The following PSMD6 variants were observed in gnomAD, a reference collection of about 807,000 sequenced individuals.
The protein encoded by PSMD6 is 26S proteasome non-ATPase regulatory subunit 6.
A neutral mutation model predicts 44.9 loss-of-function variants in PSMD6; 7 were observed. The ratio of observed to expected loss-of-function variants is 0.16; its 90% CI spans 0.09 to 0.29. The LOEUF is 0.29. Among genes scored for constraint, PSMD6 ranks in the 10% least tolerant of loss-of-function variants. The probability of loss-of-function intolerance (pLI) is 1.00; values close to 1 mark genes in which losing one functional copy is unlikely to be tolerated. For missense variants in PSMD6, 420 were observed against 482.6 expected (o/e 0.87, Z 1.21); for synonymous variants, 184 against 172.7 (o/e 1.07, Z -0.51).
chr3:64,018,966 G>C lies in PSMD6; in HGVS notation c.569C>G (p.Ala190Gly), dbSNP rs755428920. 17 of 1,612,430 alleles carry C rather than the reference G, an allele frequency of 1.1e-5. No individual in the cohort carries two copies. In the South Asian group the frequency reaches 1.9e-4, roughly 18 times the overall value. Residue 190 changes from alanine to glycine, a missense_variant, in exon 4 of 8, where the codon GCT (alanine) becomes GGT (glycine). By Grantham distance (60) the Ala-to-Gly change is moderately conservative. This residue lies in a region of PSMD6 where 216 missense variants were observed against 227.0 expected (regional missense o/e 0.95). Transcript: ENST00000295901. ...AGCTGCCTGTTTGAAATCACGAATA[G>C]CCACACAATAAAGACCCTGATACAC... ...LKVYQGLYCV[A>G]IRDFKQAAEL...
chr3:64,012,584 C>G (rs1388466729), intron 6 of PSMD6: 1 of 152,196 alleles, frequency 6.6e-6, no homozygotes, highest in Non-Finnish European at 1.5e-5. Context: ...CTACAAGGCC[C>G]TACACAAATC....
intron 2 of PSMD6, 73 bp downstream of exon 2, chr3:64,022,245 G>T: frequency 6.7e-7 from 1 of 1,503,106 alleles, no homozygotes; most frequent in South Asian, 1.2e-5. Flanking sequence ...TTTTTAATGA[G>T]AAACGATTAC....
At position 64,019,336 on chromosome 3, in the gene PSMD6, C is replaced by A; in HGVS notation, c.457G>T (p.Asp153Tyr). The A allele has an allele frequency of 6.3e-7, 1 of 1,593,924 alleles. No individual in the cohort carries two copies. The highest frequency in any genetic ancestry group is 8.6e-7 in the Non-Finnish European group (1 of 1,161,628). The change falls in exon 3 of 8, where the codon GAT becomes TAT. Residue 153 changes from aspartate to tyrosine, a missense_variant. By Grantham distance (160) the Asp-to-Tyr change is radical. Coordinates refer to ENST00000295901, the MANE Select transcript of PSMD6 (RefSeq NM_014814.3). ...YLLRIGLFYM[D>Y]NDLITRNTEK... The stretch of plus-strand genomic sequence containing the variant: ...GTGTTTCGTGTGATGAGATCATTAT[C>A]CATATAAAATAAGCCAATCCTAAGG...
intron 1 of PSMD6, chr3:64,022,897 A>C: frequency 6.7e-7 from 1 of 1,488,070 alleles, no homozygotes; most frequent in East Asian, 2.5e-5. Flanking sequence ...AACCGAACCC[A>C]AATTTCCCTT....
In PSMD6 at chr3:64,011,346, A is replaced by T. The variant is rs369887140; in HGVS notation, c.996-391T>A. On this transcript the variant is annotated intron_variant, in intron 6 of 7. Transcript: ENST00000295901. Reference sequence around the variant, plus strand: ...ACATGTCAACAGCAATAGTATTAACATGTCAACAGCAATAGTATTTACTAA... The same window carrying T: ...ACATGTCAACAGCAATAGTATTAACTTGTCAACAGCAATAGTATTTACTAA... 19 of 152,458 alleles carry T rather than the reference A, an allele frequency of 1.2e-4. No individual in the cohort carries two copies. In the East Asian group the frequency reaches 3.5e-3, roughly 28 times the overall value. The allele number at this position is 152,458 out of a possible 1,614,324, so 9.4% of individuals were successfully genotyped here.
In PSMD6 at chr3:64,013,520, C is replaced by A; in HGVS notation, c.914G>T (p.Ser305Ile). 1 of 1,613,650 alleles carries A rather than the reference C, an allele frequency of 6.2e-7. No individual in the cohort carries two copies. The highest frequency in any genetic ancestry group is 8.5e-7 in the Non-Finnish European group (1 of 1,179,744). ...YVREMRIHAY[S>I]QLLESYRSLT... ...TGACCTATATGATTCCAGCAGCTGA[C>A]TGTATGCATGAATTCTCATTTCTCT... Residue 305 changes from serine to isoleucine, a missense_variant, in exon 6 of 8, where the codon AGT becomes ATT. Transcript: ENST00000295901.
chr3:64,013,272 G>T (rs2075990899), intron 6 of PSMD6, 167 bp downstream of exon 6: 2 of 581,278 alleles, frequency 3.4e-6, no homozygotes, highest in African/African-American at 1.9e-5. Flanking sequence ...CATGAGGAAG[G>T]CAGAGGCAAC....
intron 6 of PSMD6, chr3:64,012,209 A>T (rs932334966): frequency 2.6e-5 from 4 of 152,174 alleles, no homozygotes; most frequent in Non-Finnish European, 5.9e-5. Flanking sequence ...TTCGAAATTT[A>T]AAAAATACTA....
chr3:64,018,345 C>T (rs976909897), intron 5 of PSMD6: 9 of 315,058 alleles, frequency 2.9e-5, no homozygotes, highest in African/African-American at 8.7e-5. Flanking sequence ...CATAGCTCTC[C>T]GTCACATCCT....
intron 2 of PSMD6, among the ~76,000 whole-genome samples, chr3:64,021,979 C>T (rs1039984711): frequency 6.6e-6 from 1 of 152,192 alleles, no homozygotes; most frequent in Non-Finnish European, 1.5e-5. Flanking sequence ...ACTAAAGACA[C>T]CAGAACCAGT....
chr3:64,011,017 C>T (rs898950794), intron 6 of PSMD6, 62 bp from the exon 7 acceptor site: 12 of 1,350,938 alleles, frequency 8.9e-6, no homozygotes, highest in South Asian at 2.5e-5. Context: ...AAAATGCAAA[C>T]GGCATTAAAA....
intron 6 of PSMD6, chr3:64,013,157 A>G: frequency 3.6e-6 from 1 of 275,232 alleles, no homozygotes; most frequent in South Asian, 1.1e-4. Flanking sequence ...ACAAAGAAGT[A>G]ACAGAAGACA....
In PSMD6 at chr3:64,013,565, G is replaced by A. The variant is rs1451016301; in HGVS notation, c.869C>T (p.Pro290Leu). The A allele has an allele frequency of 6.2e-7, 1 of 1,611,266 alleles. No individual in the cohort carries two copies. The highest frequency in any genetic ancestry group is 8.5e-7 in the Non-Finnish European group (1 of 1,179,112). Residue 290 changes from proline to leucine, a missense_variant, in exon 6 of 8, where the codon CCT (proline) becomes CTT (leucine). Around this residue, in one of 4 missense-constraint regions of PSMD6, gnomAD observed 216 missense variants for 227.0 expected, o/e 0.95. Transcript: ENST00000295901. The part of the protein sequence containing the change: ...QEMKKDWLFA[P>L]HYRYYVREMR... The stretch of plus-strand genomic sequence containing the variant: ...TTCTCTTACATAGTATCGATAATGA[G>A]GGGCAAAAAGCCAGTCCTTTTTCAT...
At chr3:64,023,191 C>G in intron 1 of PSMD6, 84 bp downstream of exon 1, 4 of 1,464,216 alleles carry the variant, frequency 2.7e-6, no homozygotes, top group Non-Finnish European at 3.6e-6. Context: ...GTCTGGAGCT[C>G]CATCAAAAAA....
chr3:64,013,820 C>CTATT (rs1343344843), intron 5 of PSMD6: 1 of 393,366 alleles, frequency 2.5e-6, no homozygotes, highest in Non-Finnish European at 4.5e-6. Context: ...TAACAGGTGG[C>CTATT]TATTTGACAT....
In PSMD6 at chr3:64,018,041, C is replaced by T. The variant is rs145772795; in HGVS notation, c.826+558G>A. 1.7e-3 allele frequency among the ~76,000 whole-genome samples: 266 copies of T among 152,272 alleles called. 1 individual carries two copies. Among genetic ancestry groups the T allele is most frequent in the African/African-American group, 6.0e-3 (248 of 41,548 alleles). On this transcript the variant is annotated intron_variant, in intron 5 of 7. Transcript: ENST00000295901. ...AACTAGCTTTGAAGGAATACAATTA[C>T]GTTCAAGAGATTATTTTCTTAACCC... is the stretch of plus-strand genomic sequence containing the variant.
intron 6 of PSMD6, chr3:64,011,857 C>G (rs549300435): frequency 6.6e-6 from 1 of 152,344 alleles, no homozygotes; most frequent in Non-Finnish European, 1.5e-5. Flanking sequence ...GAAGCAAAGC[C>G]AAGCCGTTTT....
Position 64,022,742 on chromosome 3 carries a change from T to C in PSMD6, c.146-219A>G, listed in dbSNP as rs775714261. On this transcript the variant is annotated intron_variant, in intron 1 of 7. Coordinates refer to ENST00000295901, the MANE Select transcript of PSMD6 (RefSeq NM_014814.3). The stretch of plus-strand genomic sequence containing the variant: ...GGCCAATCCTGGCAATGCCAACCTC[T>C]ACTAGGGCTGGAGGGAGGGCAATCC... 33 of 1,536,474 alleles carry C rather than the reference T, an allele frequency of 2.1e-5. 1 individual carries two copies. The Middle Eastern group carries it at 1.2e-3, about 54-fold the overall frequency.
Position 64,019,311 on chromosome 3 carries a change from G to A in PSMD6, c.482C>T (p.Thr161Ile), listed in dbSNP as rs991010154. ...TAGAAAGTACCTTTTGGCCTTTTCT[G>A]TGTTTCGTGTGATGAGATCATTATC... Reference protein sequence around the residue: ...YMDNDLITRNTEKAKSLIEEG... With the variant: ...YMDNDLITRNIEKAKSLIEEG... The change falls in exon 3 of 8, where the codon ACA becomes ATA. Residue 161 changes from threonine to isoleucine, a missense_variant. Transcript: ENST00000295901. 3.0e-5 allele frequency: 47 copies of A among 1,584,068 alleles called. No individual in the cohort carries two copies. Among genetic ancestry groups the A allele is most frequent in the Non-Finnish European group, 3.8e-5 (44 of 1,153,130 alleles).
Sources: gnomAD v4.1 joint callset for allele counts (sites outside exome capture counted in the v4.1 genomes callset) on GRCh38, gnomAD v4.1.1 for gene constraint, gnomAD v4.1.1 regional missense constraint, MANE v1.5 for transcripts, NCBI Gene and HGNC (gene_info 2026-07-23, HGNC 2026-07-21) for gene names.